The following ANKRD30B variants were observed in gnomAD, a reference collection of about 807,000 sequenced individuals.
The protein encoded by ANKRD30B is ankyrin repeat domain 30B.
Under a neutral mutation model 202.2 loss-of-function variants are expected in ANKRD30B, and 144 were observed. The ratio of observed to expected loss-of-function variants is 0.71; its 90% CI spans 0.62 to 0.82. The LOEUF is 0.82. ANKRD30B is among the 40% of genes least tolerant of loss of function. The pLI is 0.00. For missense variants in ANKRD30B, 1,487 were observed against 1,669.1 expected, an observed-to-expected ratio of 0.89 and a Z score of 1.90; for synonymous variants, 508 against 561.3, an observed-to-expected ratio of 0.91 and a Z score of 1.34.
chr18:14,828,368 A>T (rs1300811376), intron 33 of ANKRD30B, 60 bp downstream of exon 33: 1 of 1,164,042 alleles, frequency 8.6e-7, no homozygotes, highest in Non-Finnish European at 1.2e-6. Context: ...GAGAAAAGAA[A>T]TCACTATCTG....
chr18:14,798,129 T>C (rs552573321), intron 20 of ANKRD30B, among the ~76,000 whole-genome samples: 2 of 151,808 alleles, frequency 1.3e-5, no homozygotes, highest in East Asian at 3.9e-4. Context: ...GATCAGCAGG[T>C]TGAGAAATAA....
intron 18 of ANKRD30B, 128 bp downstream of exon 18, chr18:14,796,543 C>G: frequency 8.6e-7 from 1 of 1,167,788 alleles, no homozygotes; most frequent in Non-Finnish European, 1.2e-6. Context: ...ACAAATAATG[C>G]CAATGTTAGC....
At chr18:14,864,009 AT>A in the ANKRD30B span, among the ~76,000 whole-genome samples, 1 of 152,158 alleles carries the variant, frequency 6.6e-6, no homozygotes, top group East Asian at 1.9e-4. Context: ...CAAAAATCAT[AT>A]GATTATCTCA....
intron 14 of ANKRD30B, among the ~76,000 whole-genome samples, chr18:14,785,583 A>G (rs1183543203): frequency 6.6e-6 from 1 of 152,200 alleles, no homozygotes; most frequent in Admixed American, 6.5e-5. Flanking sequence ...CATACATTCC[A>G]CTAAGAATTT....
At chr18:14,935,522 G>C in the ANKRD30B span, among the ~76,000 whole-genome samples, 1 of 152,210 alleles carries the variant, frequency 6.6e-6, no homozygotes, top group Admixed American at 6.5e-5. Flanking sequence ...GGCCACCACT[G>C]ACAGGGGCAG....
chr18:14,924,735 GTC>G, the ANKRD30B span, among the ~76,000 whole-genome samples: 236 of 152,360 alleles, frequency 1.5e-3, 3 homozygotes, highest in African/African-American at 5.5e-3. Context: ...TGTCGGGGCT[GTC>G]TCTGCATCAG....
chr18:14,808,964 T>C (rs1362821008), intron 26 of ANKRD30B, among the ~76,000 whole-genome samples: 1 of 150,868 alleles, frequency 6.6e-6, no homozygotes. Flanking sequence ...TGGATATCTG[T>C]CCAGCAGCCT....
At position 14,796,335 on chromosome 18, in the gene ANKRD30B, C is replaced by A. The variant is rs151241089; in HGVS notation, c.1855-8C>A. The stretch of plus-strand genomic sequence containing the variant: ...TGTATTAATTTTTGTGTTTCCAAAC[C>A]CATTTAGCCTACCTGTGGAAGGAAA... On this transcript the variant is annotated splice_region_variant and splice_polypyrimidine_tract_variant and intron_variant, in intron 17 of 43. Coordinates refer to ENST00000690538, the MANE Select transcript of ANKRD30B (RefSeq NM_001367607.2). 3,333 of 1,599,908 alleles carry A rather than the reference C, an allele frequency of 2.1e-3. 70 individuals carry two copies. In the African/African-American group the frequency reaches 0.04, roughly 19 times the overall value.
chr18:14,758,072 G>A, intron 5 of ANKRD30B, 120 bp downstream of exon 5: 10 of 1,077,844 alleles, frequency 9.3e-6, no homozygotes, highest in Non-Finnish European at 1.3e-5. Context: ...AGACTAGTTA[G>A]AAGGAGTACT....
At chr18:14,885,308 T>C in the ANKRD30B span, among the ~76,000 whole-genome samples, 1 of 152,030 alleles carries the variant, frequency 6.6e-6, no homozygotes, top group Admixed American at 6.6e-5. Context: ...CTCAAGTAAA[T>C]GGCAGTGGGG....
At chr18:14,777,778 C>T (rs1332515211) in intron 9 of ANKRD30B, among the ~76,000 whole-genome samples, 2 of 151,588 alleles carry the variant, frequency 1.3e-5, no homozygotes, top group East Asian at 3.9e-4. Flanking sequence ...GCCATCTCTC[C>T]TAAAAATACA....
the ANKRD30B span, among the ~76,000 whole-genome samples, chr18:14,928,136 T>G: frequency 6.6e-6 from 1 of 152,060 alleles, no homozygotes; most frequent in African/African-American, 2.4e-5. Context: ...CCTGGCTAAT[T>G]TTTGTATTTT....
the ANKRD30B span, among the ~76,000 whole-genome samples, chr18:14,900,556 C>T: frequency 6.6e-6 from 1 of 152,098 alleles, no homozygotes; most frequent in Non-Finnish European, 1.5e-5. Context: ...TTTTTCTCCC[C>T]AACTTACTGA....
At chr18:14,853,635 A>T (rs186097302) in intron 42 of ANKRD30B, among the ~76,000 whole-genome samples, 174 bp from the exon 43 acceptor site, 2 of 152,084 alleles carry the variant, frequency 1.3e-5, no homozygotes, top group East Asian at 3.9e-4. Context: ...GTAAGACAGT[A>T]CCAATTTGGC....
chr18:14,829,517 T>G (rs1257026133), intron 33 of ANKRD30B, among the ~76,000 whole-genome samples: 2 of 152,064 alleles, frequency 1.3e-5, no homozygotes, highest in East Asian at 3.9e-4. Context: ...AGGCCAAGTT[T>G]GAAGAGAAAC....
chr18:14,792,229 G>A (rs1272706940), intron 16 of ANKRD30B, among the ~76,000 whole-genome samples: 2 of 152,142 alleles, frequency 1.3e-5, no homozygotes, highest in African/African-American at 4.8e-5. Context: ...GGTGGTCCTA[G>A]GACCTTGCTC....
the ANKRD30B span, among the ~76,000 whole-genome samples, chr18:14,896,321 C>T: frequency 1.2e-4 from 19 of 152,020 alleles, no homozygotes; most frequent in Middle Eastern, 3.4e-3. Context: ...TTAGTAGAGA[C>T]GAGGTTTCAC....
the ANKRD30B span, among the ~76,000 whole-genome samples, chr18:14,934,908 C>CACACACACACACA: frequency 2.2e-5 from 3 of 134,602 alleles, no homozygotes; most frequent in African/African-American, 8.9e-5. Flanking sequence ...CCTCCCTCTA[C>CACACACACACACA]CACACACACA....
At chr18:14,861,088 C>T in the ANKRD30B span, among the ~76,000 whole-genome samples, 15 of 152,228 alleles carry the variant, frequency 9.9e-5, no homozygotes, top group South Asian at 4.2e-4. Flanking sequence ...TAAGGGAAGT[C>T]GTTACCTCCA....
Sources: allele counts gnomAD v4.1 joint callset (sites outside exome capture counted in the v4.1 genomes callset), GRCh38; gene constraint gnomAD v4.1.1; transcripts MANE v1.5; gene names NCBI Gene and HGNC (gene_info 2026-07-23, HGNC 2026-07-21).